The following SPTBN4 variants were observed in gnomAD, a reference collection of about 807,000 sequenced individuals.
SPTBN4 encodes the protein spectrin beta chain, non-erythrocytic 4.
In SPTBN4, 96 loss-of-function variants were observed where a neutral mutation model predicts 277.8. The ratio of observed to expected loss-of-function variants is 0.35; its 90% CI spans 0.29 to 0.41. The LOEUF (loss-of-function observed/expected upper bound fraction) is 0.41. SPTBN4 is among the 10% of genes least tolerant of loss of function. The pLI, the probability that SPTBN4 is intolerant of heterozygous loss-of-function variation, is 1.00. For missense variants in SPTBN4, 3,006 were observed against 3,595.7 expected, an observed-to-expected ratio of 0.84 and a Z score of 4.19; for synonymous variants, 1,481 against 1,580.3, an observed-to-expected ratio of 0.94 and a Z score of 1.49.
At chr19:40,572,512 G>A (rs1378273504) in intron 35 of SPTBN4, 132 bp downstream of exon 35, 2 of 1,196,310 alleles carry the variant, frequency 1.7e-6, no homozygotes, top group Non-Finnish European at 2.4e-6. Context: ...TAATGGGAAA[G>A]CCCACAGGCA....
At chr19:40,561,302 C>T (rs866625729) in intron 27 of SPTBN4, among the ~76,000 whole-genome samples, 9 of 152,084 alleles carry the variant, frequency 5.9e-5, no homozygotes, top group Non-Finnish European at 8.8e-5. Context: ...CATAAGCCAC[C>T]GTGCCTGACC....
In SPTBN4 at chr19:40,519,670, G is replaced by C. The variant is rs2080501588; in HGVS notation, c.3173G>C (p.Arg1058Pro). 1.4e-6 allele frequency: 2 copies of C among 1,392,772 alleles called. No homozygotes were observed. Among genetic ancestry groups the C allele is most frequent in the South Asian group, 3.2e-5 (2 of 62,108 alleles). 86.3% of individuals were successfully genotyped at this position (1,392,772 alleles called of 1,614,324 possible). A position where few individuals can be genotyped will look rare whatever the true frequency, so the allele number is the denominator to read the frequency against. The change falls in exon 16 of 36, where the codon CGG becomes CCG. Residue 1058 changes from arginine to proline, a missense_variant. Arg to Pro is a moderately radical substitution (Grantham distance 103). This residue lies in a region of SPTBN4 where 1,759 missense variants were observed against 2,061.5 expected (regional missense o/e 0.85). Transcript: ENST00000598249. This position sits in a 1 kb window ranked among gnomAD's most constrained non-coding sequence, Gnocchi z 5.7. Reference protein sequence around the residue: ...LAERFPAQAARLHQGAEELGA... With the variant: ...LAERFPAQAAPLHQGAEELGA... The stretch of plus-strand genomic sequence containing the variant: ...GAGCGCTTCCCGGCGCAGGCGGCGC[G>C]GCTGCACCAGGGCGCGGAGGAGCTG...
At chr19:40,510,828 C>G (rs1440368337) in intron 13 of SPTBN4, among the ~76,000 whole-genome samples, 4 of 151,806 alleles carry the variant, frequency 2.6e-5, no homozygotes, top group African/African-American at 9.7e-5. Flanking sequence ...TGGAGACCAG[C>G]CAGCGAGACT....
In SPTBN4 at chr19:40,503,967, C is replaced by T. The variant is rs2080292799; in HGVS notation, c.1500C>T (p.Tyr500=). Residue 500 remains tyrosine (Y), a synonymous_variant, in exon 12 of 36, where the codon TAC becomes TAT. Transcript: ENST00000598249. Reference sequence around the variant, plus strand: ...CCCAGGCATTGGCAGCCGAAGGCTACTACGATATCCGGCGGGTGGCAGCCC... The same window carrying T: ...CCCAGGCATTGGCAGCCGAAGGCTATTACGATATCCGGCGGGTGGCAGCCC... ...ELAQALAAEG[Y]YDIRRVAAQR... 5.6e-6 allele frequency: 9 copies of T among 1,613,936 alleles called. No individual in the cohort carries two copies. The highest frequency in any genetic ancestry group is 7.6e-6 in the Non-Finnish European group (9 of 1,180,008).
At chr19:40,523,270 T>G (rs1300685669) in intron 16 of SPTBN4, among the ~76,000 whole-genome samples, 167 bp from the exon 17 acceptor site, 1 of 152,144 alleles carries the variant, frequency 6.6e-6, no homozygotes, top group Non-Finnish European at 1.5e-5. Flanking sequence ...AGGGACAGAC[T>G]CCCAGGCAGA....
At chr19:40,526,774 G>A (rs567421031) in intron 17 of SPTBN4, among the ~76,000 whole-genome samples, 1 of 151,924 alleles carries the variant, frequency 6.6e-6, no homozygotes, top group East Asian at 1.9e-4. Context: ...TTTTTGTAGA[G>A]ATGAAGTCTC....
At chr19:40,493,108 C>T (rs1568771499) in intron 5 of SPTBN4, 54 bp downstream of exon 5, 14 of 1,545,326 alleles carry the variant, frequency 9.1e-6, no homozygotes, top group Non-Finnish European at 1.3e-5. Context: ...CCCCTAACCT[C>T]TGCAATTCCT....
intron 3 of SPTBN4, among the ~76,000 whole-genome samples, chr19:40,489,520 A>G (rs369804667): frequency 1.3e-5 from 2 of 152,078 alleles, no homozygotes; most frequent in Admixed American, 6.6e-5. Context: ...CCGAGTACCT[A>G]GGATTGCGGG....
chr19:40,502,365 G>T lies in SPTBN4; in HGVS notation c.1086-25G>T, dbSNP rs759286474. ...GTGGGCAGGGGTGGCATGACGGCAG[G>T]GCTCCTGAGCTCATGCCCCTTCAGG... is the stretch of plus-strand genomic sequence containing the variant. On this transcript the variant is annotated intron_variant, in intron 9 of 35. Coordinates refer to ENST00000598249, the MANE Select transcript of SPTBN4 (RefSeq NM_020971.3). This position sits in a 1 kb window ranked among gnomAD's most constrained non-coding sequence, Gnocchi z 4.9. 1 of 1,609,578 alleles carries T rather than the reference G, an allele frequency of 6.2e-7. No individual in the cohort carries two copies. Among genetic ancestry groups the T allele is most frequent in the Non-Finnish European group, 8.5e-7 (1 of 1,177,376 alleles).
chr19:40,502,559 G>C lies in SPTBN4; in HGVS notation c.1203+52G>C. The C allele has an allele frequency of 6.6e-7, 1 of 1,522,532 alleles. No homozygotes were observed. Among genetic ancestry groups the C allele is most frequent in the Non-Finnish European group, 8.9e-7 (1 of 1,122,884 alleles). The allele number at this position is 1,522,532 out of a possible 1,614,324, so 94.3% of individuals were successfully genotyped here. A position where few individuals can be genotyped will look rare whatever the true frequency, so the allele number is the denominator to read the frequency against. On this transcript the variant is annotated intron_variant, in intron 10 of 35. Coordinates refer to ENST00000598249, the MANE Select transcript of SPTBN4 (RefSeq NM_020971.3). This position sits in a 1 kb window ranked among gnomAD's most constrained non-coding sequence, Gnocchi z 4.9. ...CGGGGTTGCACTGTGGAGTTGTATAGGTTGCACACTGCTCAAGGGAATCAT... is the reference window on the plus strand; with the variant it reads ...CGGGGTTGCACTGTGGAGTTGTATACGTTGCACACTGCTCAAGGGAATCAT...
chr19:40,510,497 G>T (rs950428916), intron 13 of SPTBN4, among the ~76,000 whole-genome samples: 16 of 152,094 alleles, frequency 1.1e-4, no homozygotes, highest in Admixed American at 1.0e-3. Flanking sequence ...TAGAGATGGG[G>T]TTTTGCCGTG....
In SPTBN4 at chr19:40,554,625, TG is replaced by T. The variant is rs929692985; in HGVS notation, c.5065del (p.Glu1689ArgfsTer48). Reference protein sequence around the residue: ...AQLSRQCRALLEMGHPDSEQI... With the variant: ...AQLSRQCRALXEMGHPDSEQI... ...CTGTCGCGCCAGTGCCGGGCGCTGC[TG>T]GAGATGGGGCACCCGGACAGGTGGG... is the stretch of plus-strand genomic sequence containing the variant. On this transcript the variant is annotated frameshift_variant, in exon 24 of 36. Coordinates refer to ENST00000598249, the MANE Select transcript of SPTBN4 (RefSeq NM_020971.3). LOFTEE classifies it high-confidence loss of function. This position sits in a 1 kb window ranked among gnomAD's most constrained non-coding sequence, Gnocchi z 5.7. 1 of 1,584,744 alleles carries T rather than the reference TG, an allele frequency of 6.3e-7. No individual in the cohort carries two copies. The highest frequency in any genetic ancestry group is 8.6e-7 in the Non-Finnish European group (1 of 1,164,906).
intron 20 of SPTBN4, among the ~76,000 whole-genome samples, chr19:40,539,471 G>C (rs2145908603): frequency 6.6e-6 from 1 of 152,258 alleles, no homozygotes; most frequent in Admixed American, 6.5e-5. Flanking sequence ...TTCTCTCCAT[G>C]CTTCAGTTTC....
At position 40,560,321 on chromosome 19, in the gene SPTBN4, C is replaced by T; in HGVS notation, c.5833C>T (p.Leu1945=). The change falls in exon 27 of 36, where the codon CTG becomes TTG. Residue 1945 remains leucine (L), a synonymous_variant. Coordinates refer to ENST00000598249, the MANE Select transcript of SPTBN4 (RefSeq NM_020971.3). The surrounding 1 kb of genome is among the most constrained non-coding windows in gnomAD (Gnocchi z 5.2). ...RLHVSSTADA[L]RFHSQVRDLL... Reference sequence around the variant, plus strand: ...GCATGTCAGCTCCACAGCCGACGCCCTGCGCTTCCACAGCCAAGTCCGCGA... The same window carrying T: ...GCATGTCAGCTCCACAGCCGACGCCTTGCGCTTCCACAGCCAAGTCCGCGA... The T allele has an allele frequency of 1.9e-6, 3 of 1,614,136 alleles. No homozygotes were observed. Among genetic ancestry groups the T allele is most frequent in the African/African-American group, 1.3e-5 (1 of 75,068 alleles).
intron 20 of SPTBN4, among the ~76,000 whole-genome samples, chr19:40,548,576 A>G (rs1343010216): frequency 6.6e-6 from 1 of 151,974 alleles, no homozygotes; most frequent in South Asian, 2.1e-4. Flanking sequence ...TTAGCCGGGC[A>G]TGATGGCAGG....
chr19:40,479,019 G>T (rs1599711550), intron 2 of SPTBN4, among the ~76,000 whole-genome samples: 1 of 152,124 alleles, frequency 6.6e-6, no homozygotes, highest in East Asian at 1.9e-4. Flanking sequence ...AAACCACCTT[G>T]CCACTCAAAG....
intron 17 of SPTBN4, chr19:40,524,448 A>T: frequency 6.0e-6 from 2 of 333,756 alleles, no homozygotes; most frequent in Non-Finnish European, 1.2e-5. Context: ...TTGAGGCAGC[A>T]ATGAACTGTG....
rs766029448 is a variant in SPTBN4 at position 40,490,045 on chromosome 19, C to T, written c.322-30C>T. 6.4e-7 allele frequency: 1 copy of T among 1,573,230 alleles called. No individual in the cohort carries two copies. The highest frequency in any genetic ancestry group is 8.6e-7 in the Non-Finnish European group (1 of 1,158,530). On this transcript the variant is annotated intron_variant, in intron 3 of 35. Transcript: ENST00000598249. This position sits in a 1 kb window ranked among gnomAD's most constrained non-coding sequence, Gnocchi z 4.3. The stretch of plus-strand genomic sequence containing the variant: ...CGCCATACTCCTGTCTGTCCAGACC[C>T]CCGATCGCCCACCGCCCCTGTCGCC...
Position 40,554,260 on chromosome 19 carries a change from G to T in SPTBN4, c.4788G>T (p.Leu1596=). The change falls in exon 23 of 36, where the codon CTG becomes CTT. Residue 1596 remains leucine (L), a synonymous_variant. Coordinates refer to ENST00000598249, the MANE Select transcript of SPTBN4 (RefSeq NM_020971.3). This position sits in a 1 kb window ranked among gnomAD's most constrained non-coding sequence, Gnocchi z 5.7. ...AGGCAGAGGCAGTGCGCCGGGGCCT[G>T]GAGCAGCTGCAGAGCGCCTGGGCCG... ...SPEAEAVRRG[L]EQLQSAWAGL... The T allele has an allele frequency of 6.5e-7, 1 of 1,532,224 alleles. No individual in the cohort carries two copies. Among genetic ancestry groups the T allele is most frequent in the Non-Finnish European group, 8.7e-7 (1 of 1,145,918 alleles). 94.9% of individuals were successfully genotyped at this position (1,532,224 alleles called of 1,614,324 possible). A position where few individuals can be genotyped will look rare whatever the true frequency, so the allele number is the denominator to read the frequency against.
Sources: gnomAD v4.1 joint callset for allele counts (sites outside exome capture counted in the v4.1 genomes callset) on GRCh38, gnomAD v4.1.1 for gene constraint, gnomAD v4.1.1 regional missense constraint, Gnocchi (gnomAD v3.1) non-coding constraint, MANE v1.5 for transcripts, NCBI Gene and HGNC (gene_info 2026-07-23, HGNC 2026-07-21) for gene names.